GPR39: variants seen among roughly 807,000 people sequenced by gnomAD.
GPR39 encodes zinc sensing receptor.
A neutral mutation model predicts 18.4 loss-of-function variants in GPR39; 23 were observed. The ratio of observed to expected loss-of-function variants is 1.25; its 90% CI spans 0.90 to 1.77. GPR39 has a LOEUF of 1.77. Among genes scored for constraint, GPR39 ranks in the 40% most tolerant of loss-of-function variants. GPR39 has a pLI of 0.00. For synonymous variants in GPR39, 280 were observed against 257.9 expected (o/e 1.09, Z -0.82); for missense variants, 647 against 602.4 (o/e 1.07, Z -0.78).
intron 1 of GPR39, among the ~76,000 whole-genome samples, chr2:132,644,173 A>G (rs1417100019): frequency 3.9e-5 from 6 of 152,178 alleles, no homozygotes; most frequent in Admixed American, 3.9e-4. Flanking sequence ...TAGCATCTTT[A>G]TCTCTGTCAG....
At chr2:132,432,983 G>T (rs1215930076) in intron 1 of GPR39, among the ~76,000 whole-genome samples, 1 of 151,844 alleles carries the variant, frequency 6.6e-6, no homozygotes, top group Non-Finnish European at 1.5e-5. Context: ...GAACTACTTG[G>T]GTCTTCTTAT....
intron 1 of GPR39, among the ~76,000 whole-genome samples, chr2:132,449,719 CTGA>C (rs1445709858): frequency 8.6e-6 from 1 of 116,532 alleles, no homozygotes; most frequent in East Asian, 2.0e-4. Context: ...TAATGAAGCA[CTGA>C]TCCTTTTTTT....
chr2:132,456,424 CTT>C (rs1329010946), intron 1 of GPR39, among the ~76,000 whole-genome samples: 14 of 151,820 alleles, frequency 9.2e-5, no homozygotes, highest in Admixed American at 5.2e-4. Flanking sequence ...GGTCTTGACT[CTT>C]TATCCAATTT....
At position 132,481,453 on chromosome 2, in the gene GPR39, A is replaced by G. The variant is rs146364345; in HGVS notation, c.856+63555A>G. On this transcript the variant is annotated intron_variant, in intron 1 of 1. Coordinates refer to ENST00000329321, the MANE Select transcript of GPR39 (RefSeq NM_001508.3). The stretch of plus-strand genomic sequence containing the variant: ...GTGTCTTTTTAGTGTTTGCTATACC[A>G]GGAGGTAAAAGAAACATTTGGGGAC... Among the ~76,000 whole-genome samples the G allele has an allele frequency of 1.3e-3, 197 of 152,360 alleles. 5 individuals are homozygous for G. The East Asian group carries it at 0.029, about 23-fold the overall frequency.
At position 132,443,687 on chromosome 2, in the gene GPR39, C is replaced by T. The variant is rs192264450; in HGVS notation, c.856+25789C>T. Among the ~76,000 whole-genome samples, 267 of 152,270 alleles carry T rather than the reference C, an allele frequency of 1.8e-3. 2 individuals are homozygous for T. The highest frequency in any genetic ancestry group is 5.9e-3 in the African/African-American group (246 of 41,548). ...GAGGAATATCTGAATTAACAGAACA[C>T]CCAGACATGTACAATGATTAGTCAA... On this transcript the variant is annotated intron_variant, in intron 1 of 1. Coordinates refer to ENST00000329321, the MANE Select transcript of GPR39 (RefSeq NM_001508.3).
intron 1 of GPR39, among the ~76,000 whole-genome samples, chr2:132,558,385 C>T (rs1680191859): frequency 6.6e-6 from 1 of 152,128 alleles, no homozygotes; most frequent in Non-Finnish European, 1.5e-5. Flanking sequence ...CCACACACCT[C>T]ATCCAGATAC....
intron 1 of GPR39, among the ~76,000 whole-genome samples, chr2:132,483,858 T>C (rs1184801321): frequency 6.6e-6 from 1 of 152,132 alleles, no homozygotes; most frequent in East Asian, 1.9e-4. Context: ...CCTGGGTACT[T>C]TAGATAGAGG....
chr2:132,501,263 T>G (rs1679031895), intron 1 of GPR39, among the ~76,000 whole-genome samples: 1 of 151,974 alleles, frequency 6.6e-6, no homozygotes, highest in Admixed American at 6.6e-5. Flanking sequence ...TTTGCTGTAT[T>G]CCAGAGGTTT....
Position 132,580,897 on chromosome 2 carries a change from T to C in GPR39, c.857-64204T>C, listed in dbSNP as rs567082896. On this transcript the variant is annotated intron_variant, in intron 1 of 1. Transcript: ENST00000329321. The stretch of plus-strand genomic sequence containing the variant: ...GAATCGCTTGAACCCAGGAGGCAGA[T>C]GTTGCAGTGAGCAGAGATCATGCCA... 2.0e-5 allele frequency among the ~76,000 whole-genome samples: 3 copies of C among 148,982 alleles called. No individual in the cohort carries two copies. The South Asian group carries it at 6.4e-4, about 32-fold the overall frequency.
chr2:132,599,806 T>C (rs1273053972), intron 1 of GPR39, among the ~76,000 whole-genome samples: 1 of 152,180 alleles, frequency 6.6e-6, no homozygotes, highest in Non-Finnish European at 1.5e-5. Context: ...GCTGGTAAAC[T>C]GAGGTTGGGA....
chr2:132,499,656 AGAATG>A (rs1051011458), intron 1 of GPR39, among the ~76,000 whole-genome samples: 1 of 152,158 alleles, frequency 6.6e-6, no homozygotes, highest in Non-Finnish European at 1.5e-5. Context: ...TGCTTTTGGC[AGAATG>A]GTCATTTTCA....
chr2:132,425,979 A>G (rs550649870), intron 1 of GPR39, among the ~76,000 whole-genome samples: 1 of 152,320 alleles, frequency 6.6e-6, no homozygotes, highest in South Asian at 2.1e-4. Flanking sequence ...TGTGCTAATA[A>G]ATAGGTGTTA....
At chr2:132,483,575 G>C (rs1486793662) in intron 1 of GPR39, among the ~76,000 whole-genome samples, 1 of 152,202 alleles carries the variant, frequency 6.6e-6, no homozygotes, top group Non-Finnish European at 1.5e-5. Context: ...GTCTTTTGGT[G>C]TTATACCAGA....
Position 132,645,860 on chromosome 2 carries a change from G to A in GPR39, c.*254G>A, listed in dbSNP as rs10179785. The stretch of plus-strand genomic sequence containing the variant: ...CAAGTACATACTGAAAATTCAGTCA[G>A]GCTGAATTTATTCAGAATGCTTTAC... On this transcript the variant is annotated 3_prime_UTR_variant, in exon 2 of 2. Transcript: ENST00000329321. 286,286 of 656,426 alleles carry A rather than the reference G, an allele frequency of 0.44. 66,608 individuals carry two copies. The highest frequency in any genetic ancestry group is 0.55 in the South Asian group (24,735 of 44,900). The allele number at this position is 656,426 out of a possible 1,614,324, so 40.7% of individuals were successfully genotyped here.
intron 1 of GPR39, among the ~76,000 whole-genome samples, chr2:132,488,315 C>A (rs534710402): frequency 6.6e-4 from 100 of 152,032 alleles, no homozygotes; most frequent in Non-Finnish European, 6.6e-4. Flanking sequence ...CCGAGCTTTT[C>A]AAAAACAACA....
chr2:132,517,722 T>C (rs1679358252), intron 1 of GPR39, among the ~76,000 whole-genome samples: 1 of 152,220 alleles, frequency 6.6e-6, no homozygotes, highest in South Asian at 2.1e-4. Context: ...TATAAGTAAA[T>C]GTTTTTAACC....
chr2:132,474,718 C>T (rs961409429), intron 1 of GPR39, among the ~76,000 whole-genome samples: 1 of 152,252 alleles, frequency 6.6e-6, no homozygotes, highest in African/African-American at 2.4e-5. Context: ...GCACATTATG[C>T]TAACGATGTT....
chr2:132,593,569 C>T (rs187425508), intron 1 of GPR39, among the ~76,000 whole-genome samples: 84 of 152,286 alleles, frequency 5.5e-4, no homozygotes, highest in Admixed American at 3.4e-3. Flanking sequence ...CTTTACTACA[C>T]ATAGGATAAC....
chr2:132,646,466 C>G lies in GPR39; in HGVS notation c.*860C>G, dbSNP rs920186711. 76 of 409,330 alleles carry G rather than the reference C, an allele frequency of 1.9e-4. No individual in the cohort carries two copies. The highest frequency in any genetic ancestry group is 1.5e-3 in the African/African-American group (72 of 48,898). The allele number at this position is 409,330 out of a possible 1,614,324, so 25.4% of individuals were successfully genotyped here. ...AGATAGATGGTGAAAGAGACAGGCACTATTTCATTAGTTTTAACAAAACTG... is the reference window on the plus strand; with the variant it reads ...AGATAGATGGTGAAAGAGACAGGCAGTATTTCATTAGTTTTAACAAAACTG... On this transcript the variant is annotated 3_prime_UTR_variant, in exon 2 of 2. Coordinates refer to ENST00000329321, the MANE Select transcript of GPR39 (RefSeq NM_001508.3).
Sources: gnomAD v4.1 joint callset for allele counts (sites outside exome capture counted in the v4.1 genomes callset) on GRCh38, gnomAD v4.1.1 for gene constraint, MANE v1.5 for transcripts, NCBI Gene and HGNC (gene_info 2026-07-23, HGNC 2026-07-21) for gene names.